SMYD4: variants seen among roughly 807,000 people sequenced by gnomAD.
SMYD4 encodes protein-lysine N-methyltransferase SMYD4.
SMYD4 carries 68 observed loss-of-function variants against 72.8 expected under a neutral mutation model. That is an observed-to-expected ratio of 0.93 (90% confidence interval 0.77 to 1.14). The LOEUF is 1.14. Among genes scored for constraint, SMYD4 ranks in the 50% most tolerant of loss-of-function variants. SMYD4 has a pLI of 0.00. For synonymous variants in SMYD4, 407 were observed against 388.6 expected (o/e 1.05, Z -0.56); for missense variants, 984 against 1,003.7 (o/e 0.98, Z 0.27).
chr17:1,787,444 C>G lies in SMYD4; in HGVS notation c.1698G>C (p.Gly566=), dbSNP rs1908755958. 2 of 1,558,858 alleles carry G rather than the reference C, an allele frequency of 1.3e-6. No individual in the cohort carries two copies. Among genetic ancestry groups the G allele is most frequent in the Non-Finnish European group, 1.7e-6 (2 of 1,151,436 alleles). Reference sequence around the variant, plus strand: ...CACCATAGCAGTGGAGAATCTCTTGCCCCTTTCTAATCCGCTGTGACGCCC... The same window carrying G: ...CACCATAGCAGTGGAGAATCTCTTGGCCCTTTCTAATCCGCTGTGACGCCC... ...TIRASQRIRK[G]QEILHCYGPH... is the part of the protein sequence containing the mutation. The change falls in exon 6 of 11, where the codon GGG becomes GGC. Residue 566 remains glycine, a synonymous_variant. Transcript: ENST00000305513.
At chr17:1,784,539 C>G in intron 7 of SMYD4, 78 bp from the exon 8 acceptor site, 1 of 1,572,586 alleles carries the variant, frequency 6.4e-7, no homozygotes, top group Non-Finnish European at 8.6e-7. Context: ...TACAGGACTG[C>G]TCCATAGTTT....
chr17:1,791,116 CAAAA>C (rs56079708), intron 5 of SMYD4, among the ~76,000 whole-genome samples: 8 of 86,658 alleles, frequency 9.2e-5, no homozygotes, highest in Non-Finnish European at 1.8e-4. Flanking sequence ...TGGCCCGTCT[CAAAA>C]AAAAAAAAAA....
chr17:1,811,322 A>G (rs1280711751), intron 3 of SMYD4, among the ~76,000 whole-genome samples: 1 of 152,162 alleles, frequency 6.6e-6, no homozygotes, highest in East Asian at 1.9e-4. Context: ...CCACAGATGC[A>G]TGCCACCACT....
chr17:1,800,223 GTGTCT>G lies in SMYD4; in HGVS notation c.1166_1170del (p.Lys389ThrfsTer2). 1.9e-6 allele frequency: 3 copies of G among 1,613,872 alleles called. No homozygotes were observed. Among genetic ancestry groups the G allele is most frequent in the Non-Finnish European group, 2.5e-6 (3 of 1,179,812 alleles). On this transcript the variant is annotated frameshift_variant, in exon 5 of 11. Transcript: ENST00000305513. LOFTEE classifies it high-confidence loss of function. ...TCACTCTCCCCTAGGCCATAATTAA[GTGTCT>G]TGACCTGATTGTTGCTTTCAGGTAA...
chr17:1,784,618 G>GATGGCAGCA (rs1908553988), intron 7 of SMYD4, 157 bp from the exon 8 acceptor site: 1 of 977,586 alleles, frequency 1.0e-6, no homozygotes, highest in Middle Eastern at 5.3e-4. Flanking sequence ...AATTTTGTTT[G>GATGGCAGCA]ATGGCGGCAA....
chr17:1,804,533 G>A (rs1909936990), intron 4 of SMYD4, 93 bp downstream of exon 4: 3 of 1,083,980 alleles, frequency 2.8e-6, no homozygotes, highest in Admixed American at 1.8e-5. Context: ...CATGATTTTA[G>A]TGTTCTATGG....
chr17:1,800,668 T>C lies in SMYD4; in HGVS notation c.726A>G (p.Leu242=), dbSNP rs906989272. 3 of 1,614,182 alleles carry C rather than the reference T, an allele frequency of 1.9e-6. No individual in the cohort carries two copies. Among genetic ancestry groups the C allele is most frequent in the Non-Finnish European group, 2.5e-6 (3 of 1,180,036 alleles). ...SSSIGLCVDP[L]KGRCLVATKD... ...TTGTGGCAACGAGACAGCGACCTTT[T>C]AAAGGATCTACGCATAAGCCGATGG... Residue 242 remains leucine (L), a synonymous_variant, in exon 5 of 11, where the codon TTA becomes TTG. Coordinates refer to ENST00000305513, the MANE Select transcript of SMYD4 (RefSeq NM_052928.3).
chr17:1,804,510 A>G, intron 4 of SMYD4, 116 bp downstream of exon 4: 1 of 918,614 alleles, frequency 1.1e-6, no homozygotes, highest in Non-Finnish European at 1.7e-6. Context: ...CAATTCAACC[A>G]ATAGCAGCAT....
intron 2 of SMYD4, among the ~76,000 whole-genome samples, chr17:1,823,343 G>A (rs1042191486): frequency 5.8e-5 from 8 of 136,990 alleles, no homozygotes; most frequent in Admixed American, 4.0e-4. Context: ...GCAGTGAGCC[G>A]AGATCACGCC....
At chr17:1,786,775 C>T in intron 7 of SMYD4, 35 bp downstream of exon 7, 3 of 1,612,848 alleles carry the variant, frequency 1.9e-6, no homozygotes, top group Non-Finnish European at 2.5e-6. Flanking sequence ...AAACTGACCT[C>T]CAGGAAAAGT....
At chr17:1,783,002 G>C in intron 10 of SMYD4, 33 bp downstream of exon 10, 1 of 1,606,594 alleles carries the variant, frequency 6.2e-7, no homozygotes, top group Non-Finnish European at 8.5e-7. Flanking sequence ...GAAAGGAACA[G>C]TGTGTGCCCT....
chr17:1,794,982 T>C (rs1039671073), intron 5 of SMYD4, among the ~76,000 whole-genome samples: 2 of 152,190 alleles, frequency 1.3e-5, no homozygotes, highest in African/African-American at 2.4e-5. Context: ...TTCTTGGTTA[T>C]GTATTATTAT....
rs1910251591 is a variant in SMYD4, at chr17:1,810,079, G to A, written c.279+1892C>T. On this transcript the variant is annotated intron_variant, in intron 3 of 10. Transcript: ENST00000305513. ...CAAAGGGCTGGGATTACAAGTGTGA[G>A]CCACTGTGCCCAGCCAAGAATAATA... 2.0e-5 allele frequency among the ~76,000 whole-genome samples: 3 copies of A among 152,028 alleles called. No homozygotes were observed. The South Asian group carries it at 6.2e-4, about 31-fold the overall frequency.
chr17:1,793,718 G>A (rs1300574410), intron 5 of SMYD4, among the ~76,000 whole-genome samples: 17 of 151,960 alleles, frequency 1.1e-4, no homozygotes. Flanking sequence ...GGTCATGTTT[G>A]CAAACAGCCT....
intron 5 of SMYD4, among the ~76,000 whole-genome samples, chr17:1,798,843 G>A (rs1479665217): frequency 1.3e-5 from 2 of 151,630 alleles, no homozygotes; most frequent in African/African-American, 2.4e-5. Flanking sequence ...AGGCTACAGT[G>A]AGCTGAGATT....
Position 1,800,063 on chromosome 17 carries a change from G to T in SMYD4, c.1331C>A (p.Ala444Asp). The change falls in exon 5 of 11, where the codon GCT becomes GAT. Residue 444 changes from alanine to aspartate, a missense_variant. By Grantham distance (126) the Ala-to-Asp change is moderately radical. Coordinates refer to ENST00000305513, the MANE Select transcript of SMYD4 (RefSeq NM_052928.3). ...TCTGCACAGTGCAGAAACACAGAGA[G>T]CACAGAGGAATTTGTGCTCTGGGCT... ...NHSPEHKFLCALCVSALCRQL... is the reference protein window; with the variant it reads ...NHSPEHKFLCDLCVSALCRQL... 1 of 1,612,740 alleles carries T rather than the reference G, an allele frequency of 6.2e-7. No homozygotes were observed. Among genetic ancestry groups the T allele is most frequent in the Non-Finnish European group, 8.5e-7 (1 of 1,178,996 alleles).
At chr17:1,795,868 C>T (rs1046682299) in intron 5 of SMYD4, among the ~76,000 whole-genome samples, 1 of 149,426 alleles carries the variant, frequency 6.7e-6, no homozygotes, top group Non-Finnish European at 1.5e-5. Flanking sequence ...GTTAAAAAAT[C>T]AGAAAAGTTC....
intron 2 of SMYD4, among the ~76,000 whole-genome samples, chr17:1,814,150 C>T (rs943858291): frequency 1.3e-5 from 2 of 151,706 alleles, no homozygotes; most frequent in African/African-American, 2.4e-5. Flanking sequence ...ACAAAAAATA[C>T]AAAAATTAGC....
intron 2 of SMYD4, among the ~76,000 whole-genome samples, chr17:1,826,491 CAAAAAAA>C (rs111636314): frequency 1.6e-4 from 17 of 103,122 alleles, no homozygotes; most frequent in Admixed American, 5.1e-4. Flanking sequence ...AAACTCTGTC[CAAAAAAA>C]AAAAAAAAAA....
Sources: gnomAD v4.1 joint callset for allele counts (sites outside exome capture counted in the v4.1 genomes callset) on GRCh38, gnomAD v4.1.1 for gene constraint, MANE v1.5 for transcripts, NCBI Gene and HGNC (gene_info 2026-07-23, HGNC 2026-07-21) for gene names.